Variants in COL6A2 observed in about 807,000 individuals in gnomAD.
COL6A2 encodes the protein collagen alpha-2(VI) chain.
In COL6A2, 90 loss-of-function variants were observed where a neutral mutation model predicts 124.9. The observed-to-expected ratio is 0.72, with a 90% CI of 0.61 to 0.86. The LOEUF is 0.86. COL6A2 is among the 40% of genes least tolerant of loss of function. The probability of loss-of-function intolerance (pLI) is 0.00; values close to 1 mark genes in which losing one functional copy is unlikely to be tolerated. For missense variants in COL6A2, 1,607 were observed against 1,502.5 expected (o/e 1.07, Z -1.15); for synonymous variants, 793 against 618.2 (o/e 1.28, Z -4.19).
chr21:46,126,482 G>A (rs367899423), intron 26 of COL6A2, 21 bp from the exon 27 acceptor site: 77 of 1,612,924 alleles, frequency 4.8e-5, no homozygotes, highest in East Asian at 4.5e-5. Context: ...GGCCTGGCCC[G>A]GCCTCTCTCC....
chr21:46,112,194 C>G lies in COL6A2; in HGVS notation c.331C>G (p.Pro111Ala). 6.2e-7 allele frequency: 1 copy of G among 1,612,984 alleles called. No homozygotes were observed. Among genetic ancestry groups the G allele is most frequent in the Non-Finnish European group, 8.5e-7 (1 of 1,180,024 alleles). ...TGACCAGGTGGAGGTGTTCAGCCCACCGGGCAGCGACCGGGCCTCCTTCAT... is the reference window on the plus strand; with the variant it reads ...TGACCAGGTGGAGGTGTTCAGCCCAGCGGGCAGCGACCGGGCCTCCTTCAT... ...FSDQVEVFSPPGSDRASFIKN... is the reference protein window; with the variant it reads ...FSDQVEVFSPAGSDRASFIKN... The change falls in exon 3 of 28, where the codon CCG (proline) becomes GCG (alanine). Residue 111 changes from proline (P) to alanine (A), a missense_variant. Physicochemically the swap from Pro to Ala is conservative, Grantham distance 27. Transcript: ENST00000300527.
chr21:46,118,846 C>T (rs1406880348), intron 13 of COL6A2, among the ~76,000 whole-genome samples, 170 bp downstream of exon 13: 1 of 152,234 alleles, frequency 6.6e-6, no homozygotes, highest in Admixed American at 6.5e-5. Context: ...AGCCACCAGC[C>T]CCTCTGACCT....
chr21:46,131,523 G>A (rs898978315), intron 27 of COL6A2, among the ~76,000 whole-genome samples: 7 of 152,216 alleles, frequency 4.6e-5, no homozygotes, highest in East Asian at 1.9e-4. Context: ...GGGACCCAGC[G>A]ATTGAGGGGT....
At chr21:46,119,921 A>G (rs1453563280) in intron 15 of COL6A2, 71 bp downstream of exon 15, 1 of 1,340,186 alleles carries the variant, frequency 7.5e-7, no homozygotes. Flanking sequence ...GAGGGCCCCA[A>G]CCCCATTCCT....
Position 46,116,005 on chromosome 21 carries a change from A to G in COL6A2, c.856-4A>G. ...GGCTCACACTGCTGCGTTGTCCTTC[A>G]CAGGGAGACCCGGGCATCGAAGGCC... On this transcript the variant is annotated splice_polypyrimidine_tract_variant and splice_region_variant and intron_variant, in intron 6 of 27. Transcript: ENST00000300527. The surrounding 1 kb of genome is among the most constrained non-coding windows in gnomAD (Gnocchi z 4.6). 6.2e-7 allele frequency: 1 copy of G among 1,610,880 alleles called. No homozygotes were observed. Among genetic ancestry groups the G allele is most frequent in the South Asian group, 1.1e-5 (1 of 90,810 alleles).
Position 46,116,944 on chromosome 21 carries a change from C to T in COL6A2, c.999+130C>T, listed in dbSNP as rs1241937173. The T allele has an allele frequency of 1.2e-6, 1 of 819,294 alleles. No homozygotes were observed. Among genetic ancestry groups the T allele is most frequent in the Non-Finnish European group, 1.9e-6 (1 of 522,654 alleles). The allele number at this position is 819,294 out of a possible 1,614,324, so 50.8% of individuals were successfully genotyped here. A position where few individuals can be genotyped will look rare whatever the true frequency, so the allele number is the denominator to read the frequency against. On this transcript the variant is annotated intron_variant, in intron 10 of 27. Coordinates refer to ENST00000300527, the MANE Select transcript of COL6A2 (RefSeq NM_001849.4). This position sits in a 1 kb window ranked among gnomAD's most constrained non-coding sequence, Gnocchi z 4.6. The stretch of plus-strand genomic sequence containing the variant: ...ACACGCATACACACACACACACACA[C>T]ACACACACACACGAACTTCAGCTCC...
At position 46,126,335 on chromosome 21, in the gene COL6A2, G is replaced by A. The variant is rs544120312; in HGVS notation, c.2422+98G>A. ...GACACCCCTCACCTGAGGGATGAAT[G>A]TGCAGCCCAGGATCTTGGGCTGTGG... On this transcript the variant is annotated intron_variant, in intron 26 of 27. Transcript: ENST00000300527. The A allele has an allele frequency of 1.9e-5, 29 of 1,514,050 alleles. No homozygotes were observed. In the South Asian group the frequency reaches 2.1e-4, roughly 11 times the overall value. The allele number at this position is 1,514,050 out of a possible 1,614,324, so 93.8% of individuals were successfully genotyped here.
chr21:46,124,043 G>A (rs1238970848), intron 21 of COL6A2, among the ~76,000 whole-genome samples: 1 of 151,444 alleles, frequency 6.6e-6, no homozygotes, highest in African/African-American at 2.4e-5. Context: ...ACGGACAGTG[G>A]GTGGATGGAT....
At chr21:46,129,095 G>A (rs2078719786) in intron 27 of COL6A2, 1 of 1,602,518 alleles carries the variant, frequency 6.2e-7, no homozygotes, top group Non-Finnish European at 8.5e-7. Context: ...CAGCCCAAAT[G>A]CCGCTCTTCA....
At chr21:46,129,806 G>C in intron 27 of COL6A2, 1 of 1,174,306 alleles carries the variant, frequency 8.5e-7, no homozygotes, top group Non-Finnish European at 1.1e-6. Context: ...ACTCACTCCC[G>C]TCTGCAGAGT....
chr21:46,120,722 G>A, intron 16 of COL6A2, 145 bp downstream of exon 16: 4 of 815,232 alleles, frequency 4.9e-6, no homozygotes, highest in South Asian at 3.7e-5. Context: ...GGGGGCCCAG[G>A]TGAGGGCTAT....
At chr21:46,117,589 G>A in intron 11 of COL6A2, 136 bp downstream of exon 11, 1 of 936,404 alleles carries the variant, frequency 1.1e-6, no homozygotes, top group Non-Finnish European at 1.7e-6. Flanking sequence ...AGCAGCCCCA[G>A]CCCAGCATTC....
chr21:46,112,148 C>T lies in COL6A2; in HGVS notation c.285C>T (p.Arg95=), dbSNP rs1351687210. 6.2e-7 allele frequency: 1 copy of T among 1,613,094 alleles called. No homozygotes were observed. Among genetic ancestry groups the T allele is most frequent in the Non-Finnish European group, 8.5e-7 (1 of 1,180,028 alleles). Residue 95 remains arginine (R), a synonymous_variant, in exon 3 of 28, where the codon CGC becomes CGT. Transcript: ENST00000300527. ...FYLDQVALSW[R]YGGLHFSDQV... ...TGGACCAGGTGGCGCTGAGCTGGCG[C>T]TACGGCGGCCTGCACTTCTCTGACC...
In COL6A2 at chr21:46,112,585, G is replaced by T. The variant is rs1489436620; in HGVS notation, c.714+8G>T. On this transcript the variant is annotated splice_region_variant and intron_variant, in intron 3 of 27. Coordinates refer to ENST00000300527, the MANE Select transcript of COL6A2 (RefSeq NM_001849.4). ...CGCATCATCAAGGTCATGGTGAGCC[G>T]CGGGCGGGAGCACCGTCCACGCGCC... 6.2e-7 allele frequency: 1 copy of T among 1,611,312 alleles called. No individual in the cohort carries two copies. Among genetic ancestry groups the T allele is most frequent in the Admixed American group, 1.7e-5 (1 of 59,940 alleles).
At position 46,112,234 on chromosome 21, in the gene COL6A2, G is replaced by A. The variant is rs754434218; in HGVS notation, c.371G>A (p.Gly124Asp). ...DRASFIKNLQ[G>D]ISSFRRGTFT... ...GCCTCCTTCATCAAGAACCTGCAGGGCATCAGCTCCTTCCGCCGCGGCACC... is the reference window on the plus strand; with the variant it reads ...GCCTCCTTCATCAAGAACCTGCAGGACATCAGCTCCTTCCGCCGCGGCACC... Residue 124 changes from glycine (G) to aspartate (D), a missense_variant, in exon 3 of 28, where the codon GGC (glycine) becomes GAC (aspartate). By Grantham distance (94) the Gly-to-Asp change is moderately conservative. Transcript: ENST00000300527. 4 of 1,612,860 alleles carry A rather than the reference G, an allele frequency of 2.5e-6. No homozygotes were observed. Among genetic ancestry groups the A allele is most frequent in the South Asian group, 1.1e-5 (1 of 91,080 alleles).
At chr21:46,117,730 C>A in intron 11 of COL6A2, 144 bp from the exon 12 acceptor site, 1 of 876,954 alleles carries the variant, frequency 1.1e-6, no homozygotes, top group Non-Finnish European at 1.8e-6. Flanking sequence ...AGATCCAGGC[C>A]TGGCCTCTTG....
chr21:46,114,163 A>G (rs1344693197), intron 5 of COL6A2, 90 bp downstream of exon 5: 1 of 1,089,490 alleles, frequency 9.2e-7, no homozygotes, highest in Non-Finnish European at 1.4e-6. Context: ...GTGGTGGCTC[A>G]TACCTGTAAT....
chr21:46,119,897 TGGGCCCTGCTGACGA>T (rs1284129603), intron 15 of COL6A2, 47 bp downstream of exon 15: 1 of 1,512,928 alleles, frequency 6.6e-7, no homozygotes, highest in Non-Finnish European at 9.0e-7. Context: ...GTGGTGCCCA[TGGGCCCTGCTGACGA>T]GGGCCCCAAC....
chr21:46,105,539 T>A (rs1205711647), intron 1 of COL6A2, among the ~76,000 whole-genome samples: 1 of 152,212 alleles, frequency 6.6e-6, no homozygotes, highest in African/African-American at 2.4e-5. Flanking sequence ...TTTGGACACA[T>A]AATATATAAA....
Sources: gnomAD v4.1 joint callset for allele counts (sites outside exome capture counted in the v4.1 genomes callset) on GRCh38, gnomAD v4.1.1 for gene constraint, Gnocchi (gnomAD v3.1) non-coding constraint, MANE v1.5 for transcripts, NCBI Gene and HGNC (gene_info 2026-07-23, HGNC 2026-07-21) for gene names.